Variants in PNO1 observed in about 807,000 individuals in gnomAD.
PNO1 encodes the protein partner of NOB1 homolog, also known as RNA-binding protein PNO1.
A neutral mutation model predicts 28.4 loss-of-function variants in PNO1; 16 were observed. The observed-to-expected ratio is 0.56, with a 90% CI of 0.38 to 0.85. PNO1 has a LOEUF of 0.85. Ranked by LOEUF, PNO1 falls within the 40% of genes least tolerant of loss-of-function variation. The pLI, the probability that PNO1 is intolerant of heterozygous loss-of-function variation, is 0.00. For synonymous variants in PNO1, 115 were observed against 110.8 expected (o/e 1.04, Z -0.24); for missense variants, 304 against 312.2 (o/e 0.97, Z 0.20).
chr2:68,166,346 A>G, intron 5 of PNO1, among the ~76,000 whole-genome samples: 1 of 152,204 alleles, frequency 6.6e-6, no homozygotes, highest in East Asian at 1.9e-4. Flanking sequence ...CATATTTTGT[A>G]TGTTATATGT....
chr2:68,173,516 A>G, intron 6 of PNO1, 99 bp downstream of exon 6: 1 of 723,560 alleles, frequency 1.4e-6, no homozygotes, highest in Non-Finnish European at 2.5e-6. Context: ...GGGTAATATT[A>G]AAGATCGCAA....
At chr2:68,163,470 G>A (rs1175374441) in intron 5 of PNO1, among the ~76,000 whole-genome samples, 1 of 152,116 alleles carries the variant, frequency 6.6e-6, no homozygotes, top group Non-Finnish European at 1.5e-5. Flanking sequence ...GGAGGAGGTT[G>A]CAGTGAGCCG....
Position 68,157,943 on chromosome 2 carries a change from C to T in PNO1, c.9C>T (p.Ser3=). The part of the protein sequence containing the change: ME[S]EMETQSARAE... ...CTTTAAGATTTCCGGGGATGGAATCCGAAATGGAAACGCAGAGCGCCAGGG... is the reference window on the plus strand; with the variant it reads ...CTTTAAGATTTCCGGGGATGGAATCTGAAATGGAAACGCAGAGCGCCAGGG... The change falls in exon 1 of 7, where the codon TCC becomes TCT. Residue 3 remains serine (S), a synonymous_variant. Transcript: ENST00000263657. 2.5e-6 allele frequency: 4 copies of T among 1,613,872 alleles called. No homozygotes were observed. The highest frequency in any genetic ancestry group is 3.4e-6 in the Non-Finnish European group (4 of 1,179,918).
chr2:68,169,592 A>T (rs189860554), intron 5 of PNO1, among the ~76,000 whole-genome samples: 12 of 152,322 alleles, frequency 7.9e-5, no homozygotes, highest in Non-Finnish European at 1.5e-5. Context: ...ATGATTTAAT[A>T]CTGCATCTTT....
chr2:68,158,212 G>A, intron 1 of PNO1, 71 bp downstream of exon 1: 1 of 1,470,306 alleles, frequency 6.8e-7, no homozygotes, highest in Non-Finnish European at 9.2e-7. Context: ...GGCCTCTGGA[G>A]AATGTTGAAG....
intron 5 of PNO1, among the ~76,000 whole-genome samples, chr2:68,171,687 G>C (rs1444437595): frequency 6.6e-6 from 1 of 152,172 alleles, no homozygotes; most frequent in Non-Finnish European, 1.5e-5. Context: ...TGAGCGAGGA[G>C]GCTTGACCAA....
At chr2:68,168,411 A>G (rs1057245548) in intron 5 of PNO1, among the ~76,000 whole-genome samples, 1 of 152,224 alleles carries the variant, frequency 6.6e-6, no homozygotes, top group Admixed American at 6.5e-5. Context: ...TGTTACTGGG[A>G]TCAGTCTCTT....
intron 5 of PNO1, among the ~76,000 whole-genome samples, chr2:68,164,821 T>A (rs62145949): frequency 0.046 from 7,067 of 152,050 alleles, 215 homozygotes; most frequent in Middle Eastern, 0.14. Context: ...TTAATTAATT[T>A]AAAATCCATA....
intron 5 of PNO1, among the ~76,000 whole-genome samples, chr2:68,167,103 A>G (rs1243119629): frequency 5.9e-5 from 9 of 152,318 alleles, no homozygotes; most frequent in African/African-American, 2.2e-4. Context: ...CAGTGTCTTC[A>G]ATGGCATGGT....
Position 68,176,110 on chromosome 2 carries a change from C to T in PNO1, c.*1308C>T, listed in dbSNP as rs572355707. ...GTAAAGGTGAAATGATGAAAGAATG[C>T]TTTTTTCCCACCCAAAAAACTATGC... On this transcript the variant is annotated 3_prime_UTR_variant, in exon 7 of 7. Coordinates refer to ENST00000263657, the MANE Select transcript of PNO1 (RefSeq NM_020143.4). 1.3e-5 allele frequency: 2 copies of T among 152,226 alleles called. No individual in the cohort carries two copies. Among genetic ancestry groups the T allele is most frequent in the South Asian group, 2.1e-4 (1 of 4,826 alleles). 9.4% of individuals were successfully genotyped at this position (152,226 alleles called of 1,614,324 possible).
In PNO1 at chr2:68,158,068, G is replaced by A. The variant is rs767413449; in HGVS notation, c.134G>A (p.Gly45Asp). Reference sequence around the variant, plus strand: ...GCAGCAGGAGAGGGCGGGGATGCGGGCCGCATGGACACAGAGGAGGCCAGG... The same window carrying A: ...GCAGCAGGAGAGGGCGGGGATGCGGACCGCATGGACACAGAGGAGGCCAGG... ...LSAAGEGGDA[G>D]RMDTEEARPA... Residue 45 changes from glycine (G) to aspartate (D), a missense_variant, in exon 1 of 7, where the codon GGC becomes GAC. Physicochemically the swap from Gly to Asp is moderately conservative, Grantham distance 94. Coordinates refer to ENST00000263657, the MANE Select transcript of PNO1 (RefSeq NM_020143.4). 3 of 1,613,794 alleles carry A rather than the reference G, an allele frequency of 1.9e-6. No individual in the cohort carries two copies. In the South Asian group the frequency reaches 3.3e-5, roughly 18 times the overall value.
chr2:68,173,190 A>G, intron 5 of PNO1, 157 bp from the exon 6 acceptor site: 1 of 513,900 alleles, frequency 1.9e-6, no homozygotes. Context: ...TAACTGTTGA[A>G]TTTTTTTGTA....
At chr2:68,166,034 C>G (rs1213509039) in intron 5 of PNO1, among the ~76,000 whole-genome samples, 1 of 152,180 alleles carries the variant, frequency 6.6e-6, no homozygotes, top group African/African-American at 2.4e-5. Context: ...TCTTATTTTG[C>G]ATTTTCTAGA....
At chr2:68,170,375 T>A (rs535639944) in intron 5 of PNO1, among the ~76,000 whole-genome samples, 20 of 152,344 alleles carry the variant, frequency 1.3e-4, no homozygotes, top group African/African-American at 4.6e-4. Context: ...CCATCTGTTC[T>A]TGTTGTCTTT....
chr2:68,165,647 G>A (rs1358761420), intron 5 of PNO1, among the ~76,000 whole-genome samples: 2 of 145,094 alleles, frequency 1.4e-5, no homozygotes, highest in South Asian at 2.2e-4. Context: ...TTAGGAATTC[G>A]AAACCAGCCT....
chr2:68,164,131 A>G (rs1673913421), intron 5 of PNO1, among the ~76,000 whole-genome samples: 3 of 152,228 alleles, frequency 2.0e-5, no homozygotes, highest in African/African-American at 7.2e-5. Context: ...GATTGAGCCT[A>G]GAGTCAGAAA....
intron 5 of PNO1, among the ~76,000 whole-genome samples, chr2:68,165,098 C>G (rs1047080722): frequency 4.2e-4 from 64 of 152,090 alleles, no homozygotes; most frequent in Non-Finnish European, 6.8e-4. Flanking sequence ...GGCACGGTGG[C>G]TCACACCTGT....
Position 68,157,960 on chromosome 2 carries a change from G to T in PNO1, c.26G>T (p.Ser9Ile), listed in dbSNP as rs1323094283. The T allele has an allele frequency of 6.2e-7, 1 of 1,614,100 alleles. No individual in the cohort carries two copies. The highest frequency in any genetic ancestry group is 1.1e-5 in the South Asian group (1 of 91,088). MESEMETQ[S>I]ARAEEGFTQV... ...ATGGAATCCGAAATGGAAACGCAGA[G>T]CGCCAGGGCAGAGGAGGGCTTTACC... Residue 9 changes from serine (S) to isoleucine (I), a missense_variant, in exon 1 of 7, where the codon AGC (serine) becomes ATC (isoleucine). Coordinates refer to ENST00000263657, the MANE Select transcript of PNO1 (RefSeq NM_020143.4).
At chr2:68,161,105 G>A (rs991929522) in intron 2 of PNO1, 10 of 433,802 alleles carry the variant, frequency 2.3e-5, no homozygotes, top group Middle Eastern at 5.3e-4. Flanking sequence ...TTTATAGTAC[G>A]TGTTATTTAC....
Sources: gnomAD v4.1 joint callset for allele counts (sites outside exome capture counted in the v4.1 genomes callset) on GRCh38, gnomAD v4.1.1 for gene constraint, MANE v1.5 for transcripts, NCBI Gene and HGNC (gene_info 2026-07-23, HGNC 2026-07-21) for gene names.